Variants in SAMHD1 observed in about 807,000 individuals in gnomAD.
SAMHD1 encodes the protein SAM and HD domain containing deoxynucleoside triphosphate triphosphohydrolase 1.
A neutral mutation model predicts 79.6 loss-of-function variants in SAMHD1; 54 were observed. That is an observed-to-expected ratio of 0.68 (90% confidence interval 0.55 to 0.85). SAMHD1 has a LOEUF of 0.85. SAMHD1 is among the 40% of genes least tolerant of loss of function. SAMHD1 has a pLI of 0.00. For synonymous variants in SAMHD1, 260 were observed against 264.1 expected, an observed-to-expected ratio of 0.98 and a Z score of 0.15; for missense variants, 663 against 782.7, an observed-to-expected ratio of 0.85 and a Z score of 1.82.
At chr20:36,913,213 G>A (rs1436880349) in intron 9 of SAMHD1, among the ~76,000 whole-genome samples, 1 of 150,632 alleles carries the variant, frequency 6.6e-6, no homozygotes, top group African/African-American at 2.4e-5. Flanking sequence ...TAGCCAGGAT[G>A]GTCTCAATCT....
intron 3 of SAMHD1, among the ~76,000 whole-genome samples, chr20:36,935,908 C>G (rs1382330613): frequency 6.6e-6 from 1 of 151,614 alleles, no homozygotes. Flanking sequence ...ATACAGCACT[C>G]ATCATTAAAA....
chr20:36,921,400 A>AAC, intron 6 of SAMHD1, among the ~76,000 whole-genome samples: 1 of 151,068 alleles, frequency 6.6e-6, no homozygotes, highest in African/African-American at 2.4e-5. Context: ...CTCAAAAAAA[A>AAC]AAAAAAAAAA....
At chr20:36,908,177 T>C (rs1201903611) in intron 11 of SAMHD1, among the ~76,000 whole-genome samples, 1 of 151,940 alleles carries the variant, frequency 6.6e-6, no homozygotes. Flanking sequence ...TGCCTAGCCT[T>C]ACATGTATAT....
chr20:36,911,689 AAAC>A (rs1384945782), intron 10 of SAMHD1: 1 of 217,824 alleles, frequency 4.6e-6, no homozygotes, highest in East Asian at 1.1e-4. Context: ...CTGAATTACA[AAAC>A]AACAACAATA....
intron 13 of SAMHD1, among the ~76,000 whole-genome samples, chr20:36,902,429 G>T (rs1040061711): frequency 1.3e-5 from 2 of 152,158 alleles, no homozygotes; most frequent in African/African-American, 2.4e-5. Context: ...GTGATCGTCC[G>T]CCTCGGCCTC....
intron 4 of SAMHD1, among the ~76,000 whole-genome samples, chr20:36,931,986 CAAA>C (rs74175907): frequency 3.3e-5 from 5 of 151,212 alleles, no homozygotes. Context: ...AATTCATAAA[CAAA>C]AAAAAGAGGG....
intron 13 of SAMHD1, 195 bp downstream of exon 13, chr20:36,903,962 A>G: frequency 5.4e-6 from 3 of 559,708 alleles, no homozygotes; most frequent in Non-Finnish European, 6.4e-6. Context: ...CATGACCACA[A>G]TTATATTAAA....
At chr20:36,893,145 T>C in intron 15 of SAMHD1, 79 bp from the exon 16 acceptor site, 1 of 1,544,854 alleles carries the variant, frequency 6.5e-7, no homozygotes. Context: ...AAGTCTCAAG[T>C]GCGCACATCC....
chr20:36,905,144 C>T (rs145222266), intron 12 of SAMHD1: 11,356 of 552,922 alleles, frequency 0.021, 166 homozygotes, highest in Non-Finnish European at 0.027. Flanking sequence ...GCTTTTGAAT[C>T]CTGGCTAAAT....
intron 12 of SAMHD1, 189 bp from the exon 13 acceptor site, chr20:36,904,438 G>A (rs116085467): frequency 8.3e-5 from 48 of 581,452 alleles, no homozygotes; most frequent in African/African-American, 8.1e-4. Flanking sequence ...GTAAAAAGTG[G>A]CCAGGCGCAG....
At chr20:36,918,165 G>A (rs2146118130) in intron 7 of SAMHD1, among the ~76,000 whole-genome samples, 1 of 151,880 alleles carries the variant, frequency 6.6e-6, no homozygotes, top group African/African-American at 2.4e-5. Flanking sequence ...TACCCAGGCT[G>A]ATCTCAAACT....
chr20:36,919,439 G>A lies in SAMHD1; in HGVS notation c.777C>T (p.Leu259=), dbSNP rs2146119510. Residue 259 remains leucine (L), a synonymous_variant, in exon 7 of 16, where the codon CTC becomes CTT. Transcript: ENST00000646673. The stretch of plus-strand genomic sequence containing the variant: ...TAAAGCAAATATCTTCTTCAGGGAT[G>A]AGACCATATTGTTCCATGACAGGCT... ...GIKPVMEQYG[L]IPEEDICFIK... The A allele has an allele frequency of 1.2e-6, 2 of 1,612,628 alleles. No individual in the cohort carries two copies. Among genetic ancestry groups the A allele is most frequent in the South Asian group, 1.1e-5 (1 of 91,056 alleles).
At chr20:36,929,671 C>T (rs1054445801) in intron 5 of SAMHD1, among the ~76,000 whole-genome samples, 15 of 151,976 alleles carry the variant, frequency 9.9e-5, no homozygotes, top group Non-Finnish European at 2.1e-4. Flanking sequence ...AAGATAGTGC[C>T]AACTGCACTC....
At chr20:36,916,295 G>A (rs2063474852) in intron 9 of SAMHD1, among the ~76,000 whole-genome samples, 1 of 151,830 alleles carries the variant, frequency 6.6e-6, no homozygotes, top group South Asian at 2.1e-4. Context: ...CTATCTCACA[G>A]GGTTATACGG....
intron 11 of SAMHD1, among the ~76,000 whole-genome samples, chr20:36,908,345 T>C (rs1892450035): frequency 1.3e-5 from 2 of 151,414 alleles, no homozygotes; most frequent in African/African-American, 4.9e-5. Flanking sequence ...TGGGCTCCAG[T>C]GATCCCCCCA....
At chr20:36,917,611 A>T (rs2063483936) in intron 7 of SAMHD1, among the ~76,000 whole-genome samples, 2 of 152,190 alleles carry the variant, frequency 1.3e-5, no homozygotes, top group Non-Finnish European at 2.9e-5. Context: ...AGGTTGTGCC[A>T]CTGCCCTCTA....
intron 9 of SAMHD1, among the ~76,000 whole-genome samples, chr20:36,914,780 A>G (rs1308144893): frequency 1.3e-5 from 2 of 151,516 alleles, no homozygotes; most frequent in Non-Finnish European, 1.5e-5. Flanking sequence ...GCCAAGGAGG[A>G]CAAGTTGCTT....
At chr20:36,944,048 AGCCT>A (rs2146147823) in intron 2 of SAMHD1, among the ~76,000 whole-genome samples, 1 of 129,628 alleles carries the variant, frequency 7.7e-6, no homozygotes, top group Non-Finnish European at 1.5e-5. Flanking sequence ...ACTGCCCTCC[AGCCT>A]GAGTGACAGA....
chr20:36,939,210 T>C (rs926040564), intron 3 of SAMHD1, among the ~76,000 whole-genome samples: 2 of 116,568 alleles, frequency 1.7e-5, no homozygotes, highest in Non-Finnish European at 3.2e-5. Context: ...GCTGATACCA[T>C]GCCACTGCAC....
Sources: gnomAD v4.1 joint callset for allele counts (sites outside exome capture counted in the v4.1 genomes callset) on GRCh38, gnomAD v4.1.1 for gene constraint, MANE v1.5 for transcripts, NCBI Gene and HGNC (gene_info 2026-07-23, HGNC 2026-07-21) for gene names.